Variants in SDK1 observed in about 807,000 individuals in gnomAD.
The protein encoded by SDK1 is sidekick cell adhesion molecule 1, also known as protein sidekick-1.
Under a neutral mutation model 245.5 loss-of-function variants are expected in SDK1, and 157 were observed. That is an observed-to-expected ratio of 0.64 (90% CI 0.56 to 0.73). The LOEUF is 0.73. SDK1 is among the 30% of genes least tolerant of loss of function. The pLI is 0.00. For missense variants in SDK1, 3,583 were observed against 3,002.3 expected (o/e 1.19, Z -4.52); for synonymous variants, 1,647 against 1,278.5 (o/e 1.29, Z -6.15).
chr7:3,473,968 G>A (rs1459542341), intron 1 of SDK1, among the ~76,000 whole-genome samples: 1 of 151,994 alleles, frequency 6.6e-6, no homozygotes, highest in East Asian at 1.9e-4. Flanking sequence ...AATCCTTTCA[G>A]GCTCAAATGC....
intron 17 of SDK1, among the ~76,000 whole-genome samples, chr7:4,021,781 G>A (rs1786916532): frequency 6.6e-6 from 1 of 152,192 alleles, no homozygotes; most frequent in Non-Finnish European, 1.5e-5. Context: ...CTGGCAACGT[G>A]GCCTTCCAGC....
At chr7:3,373,430 G>A (rs551388757) in intron 1 of SDK1, among the ~76,000 whole-genome samples, 2 of 152,322 alleles carry the variant, frequency 1.3e-5, no homozygotes, top group East Asian at 3.9e-4. Context: ...CTCAATAGAT[G>A]TTAGGGAGGT....
intron 5 of SDK1, among the ~76,000 whole-genome samples, chr7:3,909,035 A>C (rs1470995606): frequency 6.6e-6 from 1 of 152,154 alleles, no homozygotes; most frequent in Non-Finnish European, 1.5e-5. Context: ...GAGATGAGGA[A>C]GACAGCCCCT....
intron 1 of SDK1, among the ~76,000 whole-genome samples, chr7:3,462,900 G>T (rs1299251732): frequency 1.3e-5 from 2 of 152,140 alleles, no homozygotes; most frequent in Non-Finnish European, 2.9e-5. Context: ...CCCCCACCAG[G>T]TTATCCTTGC....
chr7:4,031,814 G>A (rs1315771098), intron 17 of SDK1, among the ~76,000 whole-genome samples: 1 of 151,884 alleles, frequency 6.6e-6, no homozygotes, highest in African/African-American at 2.4e-5. Context: ...ATCACCTGAG[G>A]TCAAGAGTTC....
At chr7:3,587,580 C>G (rs1016589438) in intron 1 of SDK1, among the ~76,000 whole-genome samples, 8 of 152,208 alleles carry the variant, frequency 5.3e-5, no homozygotes, top group African/African-American at 7.2e-5. Context: ...ATCCAACTTT[C>G]CTCCGCTTTT....
At chr7:4,045,953 T>C (rs1162549682) in intron 17 of SDK1, among the ~76,000 whole-genome samples, 1 of 151,214 alleles carries the variant, frequency 6.6e-6, no homozygotes, top group African/African-American at 2.4e-5. Flanking sequence ...GTTTTTGTTC[T>C]TTTTTTTTGT....
intron 1 of SDK1, among the ~76,000 whole-genome samples, chr7:3,492,245 T>A (rs1781883904): frequency 6.6e-6 from 1 of 152,220 alleles, no homozygotes; most frequent in African/African-American, 2.4e-5. Context: ...AGGGGAGATT[T>A]GTGAATTTTA....
At chr7:3,502,853 A>G (rs1281726070) in intron 1 of SDK1, among the ~76,000 whole-genome samples, 1 of 152,126 alleles carries the variant, frequency 6.6e-6, no homozygotes, top group Non-Finnish European at 1.5e-5. Flanking sequence ...ACCTTGAGCA[A>G]ATTGTTTTCT....
chr7:4,118,062 G>A (rs1783825008), intron 25 of SDK1, among the ~76,000 whole-genome samples: 1 of 151,952 alleles, frequency 6.6e-6, no homozygotes, highest in Non-Finnish European at 1.5e-5. Flanking sequence ...AAAAGCACGA[G>A]CAACTAAAGA....
Position 3,537,692 on chromosome 7 carries a change from G to T in SDK1, c.299-81388G>T, listed in dbSNP as rs113788824. Reference sequence around the variant, plus strand: ...GCTGACTGCGCCCTGGATGTGGGATGATCTGTCTGTGCTGTGGAGTCCAGG... The same window carrying T: ...GCTGACTGCGCCCTGGATGTGGGATTATCTGTCTGTGCTGTGGAGTCCAGG... On this transcript the variant is annotated intron_variant, in intron 1 of 44. Transcript: ENST00000404826. Among the ~76,000 whole-genome samples the T allele has an allele frequency of 1.8e-4, 27 of 152,348 alleles. 1 individual carries two copies. Among genetic ancestry groups the T allele is most frequent in the African/African-American group, 5.1e-4 (21 of 41,584 alleles).
At chr7:3,896,292 C>T (rs946179244) in intron 5 of SDK1, among the ~76,000 whole-genome samples, 14 of 152,174 alleles carry the variant, frequency 9.2e-5, no homozygotes, top group African/African-American at 2.9e-4. Context: ...TCTTGAAGTG[C>T]TGGCCTGATG....
intron 5 of SDK1, among the ~76,000 whole-genome samples, chr7:3,842,709 G>C (rs1193946893): frequency 2.6e-5 from 4 of 152,116 alleles, no homozygotes; most frequent in Non-Finnish European, 5.9e-5. Flanking sequence ...CCCTAGACCA[G>C]CTAAAATGCT....
At chr7:4,140,180 A>C (rs1203809462) in intron 28 of SDK1, among the ~76,000 whole-genome samples, 1 of 152,114 alleles carries the variant, frequency 6.6e-6, no homozygotes, top group Non-Finnish European at 1.5e-5. Context: ...GCTCCACCCC[A>C]GCCTGCACCT....
intron 2 of SDK1, among the ~76,000 whole-genome samples, chr7:3,630,264 A>G (rs573547072): frequency 7.4e-4 from 112 of 152,358 alleles, no homozygotes; most frequent in Non-Finnish European, 1.4e-3. Flanking sequence ...AGCCAGTGCA[A>G]TAAGGCAAGA....
intron 1 of SDK1, among the ~76,000 whole-genome samples, chr7:3,575,816 G>T (rs191933272): frequency 6.6e-6 from 1 of 152,094 alleles, no homozygotes; most frequent in East Asian, 1.9e-4. Flanking sequence ...AATAGCGTTT[G>T]TCTTGTTACA....
chr7:3,305,672 CT>C (rs1490069271), intron 1 of SDK1, among the ~76,000 whole-genome samples: 1 of 152,172 alleles, frequency 6.6e-6, no homozygotes, highest in Non-Finnish European at 1.5e-5. Context: ...AATAAAGAGT[CT>C]TGCTTAGTGA....
chr7:3,909,747 T>C (rs1190039037), intron 5 of SDK1, among the ~76,000 whole-genome samples: 2 of 152,236 alleles, frequency 1.3e-5, no homozygotes, highest in African/African-American at 4.8e-5. Flanking sequence ...TAAAGAACCA[T>C]CCGTCTCTTA....
chr7:4,175,746 C>A (rs768693369), intron 33 of SDK1, 29 bp from the exon 34 acceptor site: 5 of 1,604,864 alleles, frequency 3.1e-6, no homozygotes, highest in Non-Finnish European at 4.3e-6. Flanking sequence ...TGCGTGCTAA[C>A]CACCTTTCTG....
Sources: gnomAD v4.1 joint callset for allele counts (sites outside exome capture counted in the v4.1 genomes callset) on GRCh38, gnomAD v4.1.1 for gene constraint, MANE v1.5 for transcripts, NCBI Gene and HGNC (gene_info 2026-07-23, HGNC 2026-07-21) for gene names.